ESRRB: variants seen among roughly 807,000 people sequenced by gnomAD.
ESRRB encodes the protein steroid hormone receptor ERR2.
In ESRRB, 16 loss-of-function variants were observed where a neutral mutation model predicts 46.0. The ratio of observed to expected loss-of-function variants is 0.35; its 90% CI spans 0.24 to 0.53. The LOEUF (loss-of-function observed/expected upper bound fraction) is 0.53, where lower values mean the gene tolerates loss of function less well. ESRRB is among the 20% of genes least tolerant of loss of function. The pLI is 0.93. For missense variants in ESRRB, 488 were observed against 607.4 expected (o/e 0.80, Z 2.07); for synonymous variants, 246 against 259.6 (o/e 0.95, Z 0.50).
intron 2 of ESRRB, among the ~76,000 whole-genome samples, chr14:76,452,350 G>A (rs567740592): frequency 1.3e-5 from 2 of 152,134 alleles, no homozygotes; most frequent in African/African-American, 4.8e-5. Flanking sequence ...ATTCAGGCTG[G>A]GCACAGTAGC....
chr14:76,378,822 G>C (rs1314939642), intron 1 of ESRRB, among the ~76,000 whole-genome samples: 3 of 152,182 alleles, frequency 2.0e-5, no homozygotes, highest in Non-Finnish European at 4.4e-5. Flanking sequence ...GGGTAGTAAA[G>C]TAACAGAGCA....
chr14:76,416,315 G>C (rs1450106816), intron 1 of ESRRB, among the ~76,000 whole-genome samples: 1 of 151,460 alleles, frequency 6.6e-6, no homozygotes, highest in Non-Finnish European at 1.5e-5. Flanking sequence ...TTGTATTTTT[G>C]TAGAGATGGG....
chr14:76,500,762 G>T lies in ESRRB; in HGVS notation c.*2304G>T. The T allele has an allele frequency of 6.2e-7, 1 of 1,610,962 alleles. No individual in the cohort carries two copies. On this transcript the variant is annotated 3_prime_UTR_variant, in exon 7 of 7. Transcript: ENST00000644823. Reference sequence around the variant, plus strand: ...AAGTGGGTGTTCTGCACACCAGGCAGCTGCACCTCACTGGATCTAGTGTTG... The same window carrying T: ...AAGTGGGTGTTCTGCACACCAGGCATCTGCACCTCACTGGATCTAGTGTTG...
intron 1 of ESRRB, among the ~76,000 whole-genome samples, chr14:76,387,363 A>C (rs949141843): frequency 1.3e-5 from 2 of 152,190 alleles, no homozygotes; most frequent in Admixed American, 6.5e-5. Flanking sequence ...ACAGGCACTC[A>C]CTGGCACTGC....
chr14:76,434,116 G>A (rs1004808389), intron 1 of ESRRB, among the ~76,000 whole-genome samples: 5 of 152,134 alleles, frequency 3.3e-5, no homozygotes, highest in African/African-American at 4.8e-5. Flanking sequence ...GTGCCACCAT[G>A]CCTGGCGTGA....
intron 1 of ESRRB, among the ~76,000 whole-genome samples, chr14:76,400,233 C>A (rs953388995): frequency 3.9e-5 from 6 of 152,160 alleles, no homozygotes; most frequent in African/African-American, 1.4e-4. Context: ...TTGACATTTT[C>A]CTTCTGGGAA....
intron 2 of ESRRB, among the ~76,000 whole-genome samples, chr14:76,442,990 A>G (rs1887985375): frequency 6.6e-6 from 1 of 151,152 alleles, no homozygotes; most frequent in Non-Finnish European, 1.5e-5. Context: ...AATTTTTTGT[A>G]TTTTTAGTAG....
intron 2 of ESRRB, among the ~76,000 whole-genome samples, chr14:76,441,941 G>A (rs934730841): frequency 6.6e-6 from 1 of 152,110 alleles, no homozygotes; most frequent in Non-Finnish European, 1.5e-5. Context: ...AGCTTCCCCG[G>A]GATGATTCTG....
chr14:76,440,043 G>A (rs1450231180), intron 2 of ESRRB, among the ~76,000 whole-genome samples: 2 of 152,088 alleles, frequency 1.3e-5, no homozygotes, highest in African/African-American at 4.8e-5. Flanking sequence ...GCTTCTCACT[G>A]GTATGGAGTA....
At chr14:76,398,244 C>T (rs1416707133) in intron 1 of ESRRB, among the ~76,000 whole-genome samples, 1 of 152,150 alleles carries the variant, frequency 6.6e-6, no homozygotes, top group East Asian at 1.9e-4. Flanking sequence ...TCCTCATATT[C>T]CAGATGAGGA....
At chr14:76,413,877 G>A (rs1190951181) in intron 1 of ESRRB, among the ~76,000 whole-genome samples, 5 of 10,198 alleles carry the variant, frequency 4.9e-4, no homozygotes, top group Admixed American at 2.6e-3. Context: ...CCCCTGCACC[G>A]TCCCCCGCCC....
At chr14:76,493,681 G>A (rs1253409454) in intron 6 of ESRRB, among the ~76,000 whole-genome samples, 3 of 152,218 alleles carry the variant, frequency 2.0e-5, no homozygotes, top group Non-Finnish European at 4.4e-5. Context: ...TTTACTGAAA[G>A]TCCCATATCC....
intron 6 of ESRRB, 134 bp from the exon 7 acceptor site, chr14:76,498,080 T>C: frequency 9.6e-7 from 1 of 1,045,850 alleles, no homozygotes. Flanking sequence ...GGGCCTCAGA[T>C]TGGCTCTCTG....
At position 76,354,398 on chromosome 14, in the gene ESRRB, G is replaced by A. The variant is rs149121131; in HGVS notation, c.2+43482G>A. ...CCAGGGACATGGCAAGTGCTCCTGC[G>A]ATGAAGCCAGGCTCACATAGCAGCA... On this transcript the variant is annotated intron_variant, in intron 1 of 6. Coordinates refer to the ESRRB transcript ENST00000512784. Among the ~76,000 whole-genome samples the A allele has an allele frequency of 1.3e-4, 20 of 152,116 alleles. No homozygotes were observed. The East Asian group carries it at 3.5e-3, about 26-fold the overall frequency.
intron 1 of ESRRB, among the ~76,000 whole-genome samples, chr14:76,419,890 T>C (rs1595099107): frequency 6.6e-6 from 1 of 151,556 alleles, no homozygotes; most frequent in South Asian, 2.1e-4. Flanking sequence ...AGCTCTGGGG[T>C]GGATGTGGGC....
Position 76,376,395 on chromosome 14 carries a change from G to C in ESRRB, c.-7G>C. 8.1e-7 allele frequency: 1 copy of C among 1,231,670 alleles called. No homozygotes were observed. Among genetic ancestry groups the C allele is most frequent in the Non-Finnish European group, 1.0e-6 (1 of 987,974 alleles). 76.3% of individuals were successfully genotyped at this position (1,231,670 alleles called of 1,614,324 possible). On this transcript the variant is annotated 5_prime_UTR_variant, in exon 1 of 7. Transcript: ENST00000644823. This position sits in a 1 kb window ranked among gnomAD's most constrained non-coding sequence, Gnocchi z 4.1. ...CTCTACCAACTGGGAATGCTAAAAC[G>C]GGACTGATGGACGTGTCCGAACTCT... is the stretch of plus-strand genomic sequence containing the variant.
intron 2 of ESRRB, among the ~76,000 whole-genome samples, chr14:76,446,928 T>A (rs975261850): frequency 6.6e-6 from 1 of 152,166 alleles, no homozygotes; most frequent in Middle Eastern, 3.2e-3. Context: ...TCCACCGTAA[T>A]GAAAACCTTT....
At chr14:76,446,975 A>T (rs1595126976) in intron 2 of ESRRB, among the ~76,000 whole-genome samples, 1 of 152,298 alleles carries the variant, frequency 6.6e-6, no homozygotes, top group Non-Finnish European at 1.5e-5. Context: ...TGTCTCTCTC[A>T]GCAATGACTC....
chr14:76,352,518 GTAT>G (rs1210709515), intron 1 of ESRRB, among the ~76,000 whole-genome samples: 1 of 152,216 alleles, frequency 6.6e-6, no homozygotes, highest in Non-Finnish European at 1.5e-5. Context: ...TACTAGAGAA[GTAT>G]TATTACAGGG....
Sources: gnomAD v4.1 joint callset for allele counts (sites outside exome capture counted in the v4.1 genomes callset) on GRCh38, gnomAD v4.1.1 for gene constraint, Gnocchi (gnomAD v3.1) non-coding constraint, MANE v1.5 for transcripts, NCBI Gene and HGNC (gene_info 2026-07-23, HGNC 2026-07-21) for gene names.